HDAC4: variants seen among roughly 807,000 people sequenced by gnomAD.
HDAC4 encodes histone deacetylase 4.
A neutral mutation model predicts 135.1 loss-of-function variants in HDAC4; 16 were observed. That is an observed-to-expected ratio of 0.12 (90% CI 0.08 to 0.18). The LOEUF is 0.18. Ranked by LOEUF, HDAC4 falls within the 10% of genes least tolerant of loss-of-function variation. The pLI is 1.00. For synonymous variants in HDAC4, 685 were observed against 653.4 expected, an observed-to-expected ratio of 1.05 and a Z score of -0.74; for missense variants, 1,143 against 1,511.8, an observed-to-expected ratio of 0.76 and a Z score of 4.05.
intron 1 of HDAC4, among the ~76,000 whole-genome samples, chr2:239,380,118 GGGCCCTCATGA>G (rs1414462263): frequency 1.3e-5 from 2 of 152,218 alleles, no homozygotes; most frequent in African/African-American, 4.8e-5. Flanking sequence ...AGAGCCAAGA[GGGCCCTCATGA>G]GGCTCGATTC....
rs369993665 is a variant in HDAC4, at chr2:239,053,078, C to G, written c.*19G>C. ...AGACAGAGACAGACAGACAAGAGAACAGCAGCTTCGAGGGAGTGCTACAGG... is the reference window on the plus strand; with the variant it reads ...AGACAGAGACAGACAGACAAGAGAAGAGCAGCTTCGAGGGAGTGCTACAGG... On this transcript the variant is annotated 3_prime_UTR_variant, in exon 27 of 27. Transcript: ENST00000543185. 1.9e-5 allele frequency: 31 copies of G among 1,613,966 alleles called. No homozygotes were observed. The African/African-American group carries it at 3.3e-4, about 17-fold the overall frequency.
At chr2:239,159,048 C>A (rs746685490) in intron 6 of HDAC4, among the ~76,000 whole-genome samples, 3 of 151,312 alleles carry the variant, frequency 2.0e-5, no homozygotes, top group African/African-American at 7.3e-5. Flanking sequence ...ACACACCTCA[C>A]CCATACCTAT....
In HDAC4 at chr2:239,353,879, T is replaced by C. The variant is rs186486383; in HGVS notation, c.-219-961A>G. 7.9e-5 allele frequency among the ~76,000 whole-genome samples: 12 copies of C among 152,356 alleles called. No homozygotes were observed. The East Asian group carries it at 2.3e-3, about 29-fold the overall frequency. ...ATCAGCCTGGATCCATAGACATTCG[T>C]AGTCACAATGTCTGTGTAATCACAG... On this transcript the variant is annotated intron_variant, in intron 1 of 26. Transcript: ENST00000543185.
At chr2:239,185,606 GC>G (rs2044498165) in intron 4 of HDAC4, among the ~76,000 whole-genome samples, 1 of 152,082 alleles carries the variant, frequency 6.6e-6, no homozygotes, top group African/African-American at 2.4e-5. Context: ...TCTCCCACAT[GC>G]CCCTGCTCCA....
In HDAC4 at chr2:239,139,627, C is replaced by G; in HGVS notation, c.978+57G>C. 1 of 1,470,794 alleles carries G rather than the reference C, an allele frequency of 6.8e-7. No individual in the cohort carries two copies. The highest frequency in any genetic ancestry group is 9.5e-7 in the Non-Finnish European group (1 of 1,049,602). 91.1% of individuals were successfully genotyped at this position (1,470,794 alleles called of 1,614,324 possible). ...GTGCAAAGTGGGGTCATTTCAAGCT[C>G]ATCCGTCCCGAGTCCGACTCTAGCC... On this transcript the variant is annotated intron_variant, in intron 9 of 26. Coordinates refer to ENST00000543185, the MANE Select transcript of HDAC4 (RefSeq NM_001378414.1). This position sits in a 1 kb window ranked among gnomAD's most constrained non-coding sequence, Gnocchi z 5.3.
At chr2:239,362,186 C>T (rs1693910752) in intron 1 of HDAC4, among the ~76,000 whole-genome samples, 1 of 152,224 alleles carries the variant, frequency 6.6e-6, no homozygotes, top group Admixed American at 6.5e-5. Context: ...GGTCACTCTG[C>T]CAAGTGGGCA....
Position 239,126,570 on chromosome 2 carries a change from G to A in HDAC4, c.1419C>T (p.Ala473=). ...GAGCCTGGGCGTTCTGGGGCAGCGG[G>A]GCCGACTGGGTCCGCCCCAGTGGGC... ...QHRPLGRTQS[A]PLPQNAQALQ... Residue 473 remains alanine (A), a synonymous_variant, in exon 12 of 27, where the codon GCC becomes GCT. Coordinates refer to ENST00000543185, the MANE Select transcript of HDAC4 (RefSeq NM_001378414.1). 6.2e-7 allele frequency: 1 copy of A among 1,613,852 alleles called. No homozygotes were observed. Among genetic ancestry groups the A allele is most frequent in the Non-Finnish European group, 8.5e-7 (1 of 1,179,960 alleles).
chr2:239,170,186 G>C (rs2152987796), intron 5 of HDAC4, among the ~76,000 whole-genome samples: 1 of 152,300 alleles, frequency 6.6e-6, no homozygotes, highest in East Asian at 1.9e-4. Context: ...CATTAGCTAT[G>C]TACTCTTAGG....
At chr2:239,130,501 T>A (rs2040499538) in intron 11 of HDAC4, among the ~76,000 whole-genome samples, 1 of 151,684 alleles carries the variant, frequency 6.6e-6, no homozygotes, top group Non-Finnish European at 1.5e-5. Flanking sequence ...GCTAGAAAGA[T>A]CTGTGACAGG....
chr2:239,341,928 G>A (rs1692322932), intron 2 of HDAC4, among the ~76,000 whole-genome samples: 1 of 152,104 alleles, frequency 6.6e-6, no homozygotes, highest in South Asian at 2.1e-4. Context: ...CAGGATTAGT[G>A]CCCTTATTAT....
chr2:239,321,849 G>A (rs1056847879), intron 2 of HDAC4, among the ~76,000 whole-genome samples: 2 of 152,204 alleles, frequency 1.3e-5, no homozygotes, highest in Non-Finnish European at 2.9e-5. Context: ...TATCCCTGAT[G>A]GCACATCCGG....
At chr2:239,178,854 C>T (rs534647651) in intron 4 of HDAC4, among the ~76,000 whole-genome samples, 2 of 152,212 alleles carry the variant, frequency 1.3e-5, no homozygotes, top group Non-Finnish European at 2.9e-5. Context: ...GGGCTTCCAC[C>T]AGCTGGTGAT....
chr2:239,352,604 G>T lies in HDAC4; in HGVS notation c.22+74C>A. On this transcript the variant is annotated intron_variant, in intron 2 of 26. Transcript: ENST00000543185. The surrounding 1 kb of genome is among the most constrained non-coding windows in gnomAD (Gnocchi z 4.4). The stretch of plus-strand genomic sequence containing the variant: ...AAGTCTCAAATCCAGAAAGCAAGCT[G>T]CAGTCACAAGAACTTCTACTTTGGG... 2 of 1,377,678 alleles carry T rather than the reference G, an allele frequency of 1.5e-6. No homozygotes were observed. The highest frequency in any genetic ancestry group is 2.0e-6 in the Non-Finnish European group (2 of 988,270). The allele number at this position is 1,377,678 out of a possible 1,614,324, so 85.3% of individuals were successfully genotyped here. A position where few individuals can be genotyped will look rare whatever the true frequency, so the allele number is the denominator to read the frequency against.
intron 1 of HDAC4, among the ~76,000 whole-genome samples, chr2:239,384,717 C>T (rs1420593062): frequency 6.6e-6 from 1 of 152,196 alleles, no homozygotes; most frequent in African/African-American, 2.4e-5. Flanking sequence ...TGCTTTGTTT[C>T]AGTGGACATG....
intron 2 of HDAC4, among the ~76,000 whole-genome samples, chr2:239,279,242 G>A (rs2050569963): frequency 6.6e-6 from 1 of 152,232 alleles, no homozygotes; most frequent in Non-Finnish European, 1.5e-5. Flanking sequence ...GGCAAAGCCT[G>A]AGGTCTGTGC....
At position 239,317,406 on chromosome 2, in the gene HDAC4, G is replaced by A. The variant is rs148204163; in HGVS notation, c.22+35272C>T. Among the ~76,000 whole-genome samples the A allele has an allele frequency of 4.1e-3, 622 of 152,074 alleles. 9 individuals are homozygous for A. The highest frequency in any genetic ancestry group is 0.014 in the African/African-American group (601 of 41,456). On this transcript the variant is annotated intron_variant, in intron 2 of 26. Transcript: ENST00000543185. Reference sequence around the variant, plus strand: ...TTCTAAATAGCATTCCCCGAGAAAGGAACCAGGCCGCCTTGAGAAAAAGCT... The same window carrying A: ...TTCTAAATAGCATTCCCCGAGAAAGAAACCAGGCCGCCTTGAGAAAAAGCT...
At chr2:239,093,807 C>T (rs1299251407) in intron 17 of HDAC4, 1 of 381,364 alleles carries the variant, frequency 2.6e-6, no homozygotes, top group African/African-American at 2.2e-5. Flanking sequence ...CTGCCTTGCA[C>T]AGGCGTGCTG....
chr2:239,272,170 G>A (rs2050094663), intron 2 of HDAC4, among the ~76,000 whole-genome samples: 1 of 152,210 alleles, frequency 6.6e-6, no homozygotes, highest in Non-Finnish European at 1.5e-5. Flanking sequence ...ACAGCCCAGA[G>A]AAGCCTTTTA....
chr2:239,307,383 C>T lies in HDAC4; in HGVS notation c.22+45295G>A, dbSNP rs866032566. The stretch of plus-strand genomic sequence containing the variant: ...AGCGGCTCTCCGTGATGCCCAGAGG[C>T]GGCCACTGGGCCCCAGGAGAGAGGG... On this transcript the variant is annotated intron_variant, in intron 2 of 26. Transcript: ENST00000543185. This position sits in a 1 kb window ranked among gnomAD's most constrained non-coding sequence, Gnocchi z 4.8. Among the ~76,000 whole-genome samples, 10 of 152,230 alleles carry T rather than the reference C, an allele frequency of 6.6e-5. No individual in the cohort carries two copies. Among genetic ancestry groups the T allele is most frequent in the Admixed American group, 5.2e-4 (8 of 15,304 alleles).
Sources: gnomAD v4.1 joint callset for allele counts (sites outside exome capture counted in the v4.1 genomes callset) on GRCh38, gnomAD v4.1.1 for gene constraint, Gnocchi (gnomAD v3.1) non-coding constraint, MANE v1.5 for transcripts, NCBI Gene and HGNC (gene_info 2026-07-23, HGNC 2026-07-21) for gene names.